Variants in SHANK1 observed in about 807,000 individuals in gnomAD.
SHANK1 encodes the protein SH3 and multiple ankyrin repeat domains protein 1.
Under a neutral mutation model 165.6 loss-of-function variants are expected in SHANK1, and 35 were observed. That is an observed-to-expected ratio of 0.21 (90% CI 0.16 to 0.28). The LOEUF (loss-of-function observed/expected upper bound fraction) is 0.28. Among genes scored for constraint, SHANK1 ranks in the 10% least tolerant of loss-of-function variants. SHANK1 has a pLI of 1.00. For missense variants in SHANK1, 2,681 were observed against 3,036.4 expected (o/e 0.88, Z 2.75); for synonymous variants, 1,428 against 1,384.8 (o/e 1.03, Z -0.69).
Position 50,660,961 on chromosome 19 carries a change from G to T in SHANK1, c.*1004C>A, listed in dbSNP as rs1234909802. Among the ~76,000 whole-genome samples the T allele has an allele frequency of 6.6e-6, 1 of 151,694 alleles. No individual in the cohort carries two copies. The highest frequency in any genetic ancestry group is 1.5e-5 in the Non-Finnish European group (1 of 67,948). On this transcript the variant is annotated 3_prime_UTR_variant, in exon 24 of 24. Transcript: ENST00000293441. ...AGGCGGGGGGTGGGGGGCTAGGAGTGTCATGGTGAGAGGGGAGAGTTGGGG... is the reference window on the plus strand; with the variant it reads ...AGGCGGGGGGTGGGGGGCTAGGAGTTTCATGGTGAGAGGGGAGAGTTGGGG...
intron 8 of SHANK1, among the ~76,000 whole-genome samples, chr19:50,707,722 C>T (rs372832447): frequency 2.0e-5 from 3 of 151,794 alleles, no homozygotes; most frequent in Non-Finnish European, 2.9e-5. Context: ...TATGAATGGA[C>T]GACTCTGACT....
At chr19:50,680,112 A>T (rs147215432) in intron 21 of SHANK1, among the ~76,000 whole-genome samples, 16 of 151,156 alleles carry the variant, frequency 1.1e-4, no homozygotes, top group African/African-American at 3.9e-4. Context: ...ACAAAGACAG[A>T]TGGGGGAGAG....
At chr19:50,669,346 T>C (rs984611339) in intron 22 of SHANK1, 61 bp from the exon 23 acceptor site, 2 of 1,144,144 alleles carry the variant, frequency 1.7e-6, no homozygotes, top group Non-Finnish European at 2.6e-6. Context: ...CCTGCTCCAC[T>C]ATCCCATAGA....
At chr19:50,671,753 A>G (rs1220940381) in intron 22 of SHANK1, among the ~76,000 whole-genome samples, 1 of 152,112 alleles carries the variant, frequency 6.6e-6, no homozygotes, top group East Asian at 1.9e-4. Context: ...CGGGGGCTTT[A>G]GCTCACTGCA....
At position 50,666,726 on chromosome 19, in the gene SHANK1, G is replaced by A. The variant is rs768251541; in HGVS notation, c.5234C>T (p.Pro1745Leu). 7 of 1,571,976 alleles carry A rather than the reference G, an allele frequency of 4.5e-6. No homozygotes were observed. The African/African-American group carries it at 5.4e-5, about 12-fold the overall frequency. Residue 1745 changes from proline (P) to leucine (L), a missense_variant, in exon 23 of 24, where the codon CCG (proline) becomes CTG (leucine). Physicochemically the swap from Pro to Leu is moderately conservative, Grantham distance 98. Around this residue, in one of 10 missense-constraint regions of SHANK1, gnomAD observed 1,713 missense variants for 1,630.2 expected, o/e 1.05. Transcript: ENST00000293441. ...QAFGGSSTPG[P>L]PYPPQLMTPS... is the part of the protein sequence containing the mutation. ...AGTCATGAGCTGAGGAGGGTATGGC[G>A]GGCCGGGAGTACTGCTGCCCCCAAA...
rs983599321 is a variant in SHANK1 at position 50,667,986 on chromosome 19, C to A, written c.3974G>T (p.Gly1325Val). The A allele has an allele frequency of 2.1e-6, 3 of 1,452,436 alleles. No homozygotes were observed. The highest frequency in any genetic ancestry group is 2.7e-6 in the Non-Finnish European group (3 of 1,107,416). 90.0% of individuals were successfully genotyped at this position (1,452,436 alleles called of 1,614,324 possible). The change falls in exon 23 of 24, where the codon GGC becomes GTC. Residue 1325 changes from glycine to valine, a missense_variant. Coordinates refer to ENST00000293441, the MANE Select transcript of SHANK1 (RefSeq NM_016148.5). This position sits in a 1 kb window ranked among gnomAD's most constrained non-coding sequence, Gnocchi z 5.7. ...AGSRAYGGGG[G>V]SSAFTSFLPP... is the part of the protein sequence containing the mutation. ...CAGGAAGCTGGTGAAGGCGCTGCTG[C>A]CCCCGCCACCCCCGTAGGCTCGGCT...
At position 50,686,616 on chromosome 19, in the gene SHANK1, G is replaced by C. The variant is rs1297546002; in HGVS notation, c.2458+128C>G. 2 of 861,684 alleles carry C rather than the reference G, an allele frequency of 2.3e-6. No individual in the cohort carries two copies. The highest frequency in any genetic ancestry group is 3.6e-6 in the Non-Finnish European group (2 of 552,550). The allele number at this position is 861,684 out of a possible 1,614,324, so 53.4% of individuals were successfully genotyped here. ...CGGGAGAGGGCGGGCGGAGGGAGGG[G>C]AGGTGGGATCGCAGCCTCTCTGGGG... On this transcript the variant is annotated intron_variant, in intron 20 of 23. Transcript: ENST00000293441. This position sits in a 1 kb window ranked among gnomAD's most constrained non-coding sequence, Gnocchi z 5.7.
chr19:50,703,055 C>A (rs1275113608), intron 11 of SHANK1, among the ~76,000 whole-genome samples: 1 of 152,188 alleles, frequency 6.6e-6, no homozygotes, highest in Non-Finnish European at 1.5e-5. Flanking sequence ...ACACGCCTGG[C>A]TGGCCTTCGC....
Position 50,668,132 on chromosome 19 carries a change from C to G in SHANK1, c.3828G>C (p.Ala1276=). 3 of 1,472,972 alleles carry G rather than the reference C, an allele frequency of 2.0e-6. No individual in the cohort carries two copies. Among genetic ancestry groups the G allele is most frequent in the Non-Finnish European group, 1.8e-6 (2 of 1,118,440 alleles). 91.2% of individuals were successfully genotyped at this position (1,472,972 alleles called of 1,614,324 possible). A position where few individuals can be genotyped will look rare whatever the true frequency, so the allele number is the denominator to read the frequency against. The change falls in exon 23 of 24, where the codon GCG becomes GCC. Residue 1276 remains alanine (A), a synonymous_variant. Coordinates refer to ENST00000293441, the MANE Select transcript of SHANK1 (RefSeq NM_016148.5). ...DGGDGGLGTG[A]APGPRLRHSK... ...AGTGGCGCAGCCGCGGGCCCGGGGC[C>G]GCCCCTGTGCCCAGCCCGCCGTCCC...
rs2089111681 is a variant in SHANK1 at position 50,719,494 on chromosome 19, C to G, written c.-132G>C. ...CCCCCACCCCCCCGGAGACGGGGACCCTCAGGCCATGCCCCACCGCCCCGG... is the reference window on the plus strand; with the variant it reads ...CCCCCACCCCCCCGGAGACGGGGACGCTCAGGCCATGCCCCACCGCCCCGG... On this transcript the variant is annotated 5_prime_UTR_variant, in exon 1 of 24. Transcript: ENST00000293441. The G allele has an allele frequency of 7.3e-6, 1 of 136,214 alleles. No individual in the cohort carries two copies. The highest frequency in any genetic ancestry group is 1.6e-5 in the Non-Finnish European group (1 of 61,516). 8.4% of individuals were successfully genotyped at this position (136,214 alleles called of 1,614,324 possible).
At chr19:50,719,281 A>T (rs1382592816) in intron 1 of SHANK1, 125 bp downstream of exon 1, 2 of 150,838 alleles carry the variant, frequency 1.3e-5, no homozygotes, top group African/African-American at 4.9e-5. Flanking sequence ...CCTCACCCGT[A>T]CCCCCAGCCG....
chr19:50,659,657 C>G lies in SHANK1; in HGVS notation c.*2308G>C, dbSNP rs1473224076. On this transcript the variant is annotated 3_prime_UTR_variant, in exon 24 of 24. Coordinates refer to ENST00000293441, the MANE Select transcript of SHANK1 (RefSeq NM_016148.5). Reference sequence around the variant, plus strand: ...TCTAGGGGTTTTGTGTTTTTTTTTTCTGTTTTTTATATTTTCTTCTTTTGT... The same window carrying G: ...TCTAGGGGTTTTGTGTTTTTTTTTTGTGTTTTTTATATTTTCTTCTTTTGT... 2.9e-5 allele frequency among the ~76,000 whole-genome samples: 4 copies of G among 137,878 alleles called. No individual in the cohort carries two copies. The highest frequency in any genetic ancestry group is 6.2e-5 in the Non-Finnish European group (4 of 64,550). 90.5% of individuals were successfully genotyped at this position (137,878 alleles called of 152,430 possible). A position where few individuals can be genotyped will look rare whatever the true frequency, so the allele number is the denominator to read the frequency against.
intron 21 of SHANK1, among the ~76,000 whole-genome samples, chr19:50,682,656 A>T (rs1986214149): frequency 6.6e-6 from 1 of 152,122 alleles, no homozygotes; most frequent in African/African-American, 2.4e-5. Context: ...GAGGGAGGAG[A>T]GTGTAAAATA....
At chr19:50,701,551 A>G (rs1032361287) in intron 12 of SHANK1, among the ~76,000 whole-genome samples, 2 of 152,034 alleles carry the variant, frequency 1.3e-5, no homozygotes, top group African/African-American at 4.8e-5. Context: ...AGTACTTTAC[A>G]TGATCTGACT....
intron 15 of SHANK1, among the ~76,000 whole-genome samples, chr19:50,694,497 T>G (rs1599859872): frequency 1.8e-5 from 2 of 113,828 alleles, no homozygotes; most frequent in East Asian, 2.8e-4. Flanking sequence ...CTCCGGGGAA[T>G]GGGGGCGCTA....
chr19:50,694,286 G>C (rs564629022), intron 15 of SHANK1, among the ~76,000 whole-genome samples: 4 of 151,908 alleles, frequency 2.6e-5, no homozygotes, highest in African/African-American at 9.7e-5. Flanking sequence ...GTGACACGCA[G>C]CGGAAAAAGA....
intron 21 of SHANK1, among the ~76,000 whole-genome samples, chr19:50,672,573 A>G (rs1278869484): frequency 6.6e-6 from 1 of 151,074 alleles, no homozygotes; most frequent in East Asian, 1.9e-4. Context: ...AAAAAAAAAA[A>G]AAAAAAAGAA....
At chr19:50,679,785 CAG>C (rs1462712386) in intron 21 of SHANK1, among the ~76,000 whole-genome samples, 3 of 151,500 alleles carry the variant, frequency 2.0e-5, no homozygotes, top group African/African-American at 7.3e-5. Context: ...TAGACAGAGA[CAG>C]AGAGAGGGAG....
At chr19:50,704,002 T>A in intron 10 of SHANK1, 118 bp downstream of exon 10, 1 of 1,107,414 alleles carries the variant, frequency 9.0e-7, no homozygotes, top group Non-Finnish European at 1.3e-6. Context: ...TTTTTGGTCC[T>A]CTAGGGTTTT....
Sources: gnomAD v4.1 joint callset for allele counts (sites outside exome capture counted in the v4.1 genomes callset) on GRCh38, gnomAD v4.1.1 for gene constraint, gnomAD v4.1.1 regional missense constraint, Gnocchi (gnomAD v3.1) non-coding constraint, MANE v1.5 for transcripts, NCBI Gene and HGNC (gene_info 2026-07-23, HGNC 2026-07-21) for gene names.